CXCL13: variants seen among roughly 807,000 people sequenced by gnomAD.
CXCL13 encodes C-X-C motif chemokine ligand 13.
A neutral mutation model predicts 12.2 loss-of-function variants in CXCL13; 7 were observed. The ratio of observed to expected loss-of-function variants is 0.57; its 90% CI spans 0.33 to 1.07. CXCL13 has a LOEUF of 1.07. Ranked by LOEUF, CXCL13 falls within the 50% of genes least tolerant of loss-of-function variation. The probability of loss-of-function intolerance (pLI) is 0.04; values close to 1 mark genes in which losing one functional copy is unlikely to be tolerated. For synonymous variants in CXCL13, 47 were observed against 42.4 expected (o/e 1.11, Z -0.42); for missense variants, 113 against 127.4 (o/e 0.89, Z 0.55).
At chr4:77,552,705 C>G (rs1725564048) in intron 1 of CXCL13, among the ~76,000 whole-genome samples, 1 of 152,230 alleles carries the variant, frequency 6.6e-6, no homozygotes, top group Non-Finnish European at 1.5e-5. Context: ...AGAGATATGC[C>G]TAGGCATGAA....
At chr4:77,532,565 C>G (rs982053701) in intron 1 of CXCL13, among the ~76,000 whole-genome samples, 4 of 152,026 alleles carry the variant, frequency 2.6e-5, no homozygotes, top group African/African-American at 9.7e-5. Context: ...TGGCGTTCTC[C>G]GTATTTCCTG....
intron 1 of CXCL13, among the ~76,000 whole-genome samples, chr4:77,574,857 A>T (rs1002366921): frequency 1.2e-4 from 18 of 152,002 alleles, no homozygotes; most frequent in Non-Finnish European, 2.4e-4. Flanking sequence ...GGAAGATAAA[A>T]GCTGTGGTAC....
chr4:77,605,805 T>G (rs1053385407), upstream of CXCL13: 1 of 1,087,636 alleles, frequency 9.2e-7, no homozygotes, highest in African/African-American at 1.6e-5. Flanking sequence ...TAGGAGTCTC[T>G]GGTACTGCAA....
intron 1 of CXCL13, among the ~76,000 whole-genome samples, chr4:77,523,326 C>T (rs1331568368): frequency 6.6e-6 from 1 of 152,128 alleles, no homozygotes; most frequent in East Asian, 1.9e-4. Context: ...TTCCATTCTC[C>T]CGATCACTTT....
At chr4:77,539,350 C>T (rs759021784) in intron 1 of CXCL13, among the ~76,000 whole-genome samples, 5 of 152,218 alleles carry the variant, frequency 3.3e-5, no homozygotes, top group Non-Finnish European at 4.4e-5. Context: ...TGGTCTCAAA[C>T]TCCTGACCTC....
At chr4:77,525,543 G>T (rs1450256665) in intron 1 of CXCL13, among the ~76,000 whole-genome samples, 1 of 152,064 alleles carries the variant, frequency 6.6e-6, no homozygotes, top group Admixed American at 6.6e-5. Context: ...GATTAATACT[G>T]TCTATTAGCT....
At chr4:77,531,733 T>C (rs1262151280) in intron 1 of CXCL13, among the ~76,000 whole-genome samples, 3 of 152,226 alleles carry the variant, frequency 2.0e-5, no homozygotes, top group African/African-American at 7.2e-5. Flanking sequence ...GGTGCTCCTG[T>C]ATTGGGTGAA....
intron 1 of CXCL13, among the ~76,000 whole-genome samples, chr4:77,606,586 C>T (rs1727007770): frequency 6.6e-6 from 1 of 152,108 alleles, no homozygotes; most frequent in African/African-American, 2.4e-5. Flanking sequence ...GAGCTTTGTC[C>T]CCCAGTTTTA....
intron 1 of CXCL13, among the ~76,000 whole-genome samples, chr4:77,517,615 G>C (rs1275427350): frequency 2.0e-5 from 3 of 152,182 alleles, no homozygotes; most frequent in Non-Finnish European, 4.4e-5. Flanking sequence ...TTTTACCAGA[G>C]ACTAGGATTG....
At chr4:77,575,158 C>T (rs1008535663) in intron 1 of CXCL13, among the ~76,000 whole-genome samples, 1 of 151,852 alleles carries the variant, frequency 6.6e-6, no homozygotes, top group Non-Finnish European at 1.5e-5. Context: ...CACTAATCAG[C>T]TCTTAAGCAA....
chr4:77,572,098 G>A lies in CXCL13; in HGVS notation c.-42-33726G>A, dbSNP rs189494718. ...TGTAACACTCACCGCGAGGGTCCGCGGCTTCATTCTTGAAGTCAGTGAGAC... is the reference window on the plus strand; with the variant it reads ...TGTAACACTCACCGCGAGGGTCCGCAGCTTCATTCTTGAAGTCAGTGAGAC... On this transcript the variant is annotated intron_variant, in intron 1 of 4. Coordinates refer to the CXCL13 transcript ENST00000286758. Among the ~76,000 whole-genome samples the A allele has an allele frequency of 4.8e-3, 727 of 151,956 alleles. 20 individuals carry two copies. The highest frequency in any genetic ancestry group is 0.016 in the African/African-American group (653 of 41,256).
chr4:77,531,385 G>A (rs561244008), intron 1 of CXCL13, among the ~76,000 whole-genome samples: 8 of 148,762 alleles, frequency 5.4e-5, no homozygotes, highest in South Asian at 2.1e-4. Context: ...GTGGGTTCTA[G>A]TTTGATTGCA....
upstream of CXCL13, among the ~76,000 whole-genome samples, chr4:77,602,778 T>C (rs908692517): frequency 6.6e-6 from 1 of 152,244 alleles, no homozygotes; most frequent in African/African-American, 2.4e-5. Context: ...ATAAATTGTT[T>C]CCATTTGAGT....
chr4:77,577,100 A>G (rs1016956533), intron 1 of CXCL13, among the ~76,000 whole-genome samples: 10 of 152,196 alleles, frequency 6.6e-5, no homozygotes, highest in African/African-American at 2.4e-4. Context: ...ATTCTGAGCA[A>G]TTATCCTGCA....
At chr4:77,525,792 C>A (rs1724747429) in intron 1 of CXCL13, among the ~76,000 whole-genome samples, 1 of 152,072 alleles carries the variant, frequency 6.6e-6, no homozygotes, top group Non-Finnish European at 1.5e-5. Flanking sequence ...TGCAAGCACA[C>A]CTGGGGTTCT....
intron 1 of CXCL13, among the ~76,000 whole-genome samples, chr4:77,582,318 T>C (rs1726356378): frequency 6.6e-6 from 1 of 152,082 alleles, no homozygotes; most frequent in Non-Finnish European, 1.5e-5. Flanking sequence ...ATATAATTAC[T>C]AACTGGGCAG....
At chr4:77,577,138 G>A (rs1459442000) in intron 1 of CXCL13, among the ~76,000 whole-genome samples, 1 of 152,136 alleles carries the variant, frequency 6.6e-6, no homozygotes, top group Non-Finnish European at 1.5e-5. Context: ...GGAAAAAATA[G>A]GATGACCATC....
intron 1 of CXCL13, among the ~76,000 whole-genome samples, chr4:77,576,221 G>A (rs1726194125): frequency 6.6e-6 from 1 of 152,162 alleles, no homozygotes; most frequent in Non-Finnish European, 1.5e-5. Flanking sequence ...TTAACTGGAT[G>A]GACTGAACCA....
rs147362853 is a variant in CXCL13 at position 77,553,933 on chromosome 4, G to A, written c.-43+42145G>A. Among the ~76,000 whole-genome samples the A allele has an allele frequency of 1.5e-3, 230 of 152,234 alleles. 1 individual carries two copies. Among genetic ancestry groups the A allele is most frequent in the African/African-American group, 5.2e-3 (216 of 41,540 alleles). ...TTGTATTTGGGATTTTGCTAAATGA[G>A]TAGACTATGGCTGATGCCACATGGA... On this transcript the variant is annotated intron_variant, in intron 1 of 4. Transcript: ENST00000286758.
Sources: allele counts gnomAD v4.1 joint callset (sites outside exome capture counted in the v4.1 genomes callset), GRCh38; gene constraint gnomAD v4.1.1; transcripts MANE v1.5; gene names NCBI Gene and HGNC (gene_info 2026-07-23, HGNC 2026-07-21).